Variants in TOP2A observed in about 807,000 individuals in gnomAD.
The protein encoded by TOP2A is DNA topoisomerase II alpha.
In TOP2A, 68 loss-of-function variants were observed where a neutral mutation model predicts 187.2. The ratio of observed to expected loss-of-function variants is 0.36; its 90% confidence interval spans 0.30 to 0.44. The LOEUF is 0.44. Ranked by LOEUF, TOP2A falls within the 20% of genes least tolerant of loss-of-function variation. TOP2A has a pLI of 1.00. For synonymous variants in TOP2A, 542 were observed against 593.2 expected, an observed-to-expected ratio of 0.91 and a Z score of 1.25; for missense variants, 1,196 against 1,808.7, an observed-to-expected ratio of 0.66 and a Z score of 6.14.
intron 29 of TOP2A, among the ~76,000 whole-genome samples, chr17:40,394,065 C>CAAAA (rs34089833): frequency 3.7e-5 from 4 of 108,620 alleles, no homozygotes; most frequent in East Asian, 2.7e-4. Flanking sequence ...AACTCTGCCT[C>CAAAA]AAAAAAAAAA....
At chr17:40,392,496 A>G in intron 30 of TOP2A, 89 bp downstream of exon 30, 1 of 1,481,176 alleles carries the variant, frequency 6.8e-7, no homozygotes, top group Non-Finnish European at 9.1e-7. Context: ...CTCTATTAAG[A>G]CACAGTAATT....
At position 40,404,182 on chromosome 17, in the gene TOP2A, C is replaced by A. The variant is rs1184479733; in HGVS notation, c.2253G>T (p.Val751=). 6.2e-7 allele frequency: 1 copy of A among 1,613,808 alleles called. No homozygotes were observed. The highest frequency in any genetic ancestry group is 2.2e-5 in the East Asian group (1 of 44,858). ...EVKVAQLAGS[V]AEMSSYHHGE... The stretch of plus-strand genomic sequence containing the variant: ...CATGATGATAAGAAGACATTTCAGC[C>A]ACTGATCCAGCTAATTGGGCAACCT... Residue 751 remains valine, a synonymous_variant, in exon 19 of 35, where the codon GTG becomes GTT. Coordinates refer to ENST00000423485, the MANE Select transcript of TOP2A (RefSeq NM_001067.4).
chr17:40,412,576 G>A (rs2035335521), intron 7 of TOP2A, among the ~76,000 whole-genome samples, 183 bp downstream of exon 7: 1 of 152,172 alleles, frequency 6.6e-6, no homozygotes, highest in South Asian at 2.1e-4. Flanking sequence ...CCTGGGAGGT[G>A]GAGGTTGCGG....
chr17:40,401,985 A>C (rs2035188402), intron 20 of TOP2A, among the ~76,000 whole-genome samples: 1 of 152,220 alleles, frequency 6.6e-6, no homozygotes. Context: ...GTTCTGAATC[A>C]GAGTGACTTA....
intron 16 of TOP2A, 135 bp from the exon 17 acceptor site, chr17:40,405,018 A>G (rs2035221540): frequency 3.4e-6 from 2 of 593,568 alleles, no homozygotes; most frequent in South Asian, 2.1e-5. Context: ...GACGGGAGTT[A>G]CTGTTCTCTT....
At position 40,411,376 on chromosome 17, in the gene TOP2A, C is replaced by T. The variant is rs775496859; in HGVS notation, c.1043G>A (p.Gly348Asp). Residue 348 changes from glycine to aspartate, a missense_variant, in exon 9 of 35, where the codon GGT becomes GAT. Around this residue, in one of 10 missense-constraint regions of TOP2A, gnomAD observed 252 missense variants for 434.8 expected, o/e 0.58. Transcript: ENST00000423485. This position sits in a 1 kb window ranked among gnomAD's most constrained non-coding sequence, Gnocchi z 4.4. Reference protein sequence around the residue: ...VDVVKKKNKGGVAVKAHQVKN... With the variant: ...VDVVKKKNKGDVAVKAHQVKN... Reference sequence around the variant, plus strand: ...TACCTGATGTGCTTTTACTGCAACACCACCCTTGTTCTTCTTCTTCACAAC... The same window carrying T: ...TACCTGATGTGCTTTTACTGCAACATCACCCTTGTTCTTCTTCTTCACAAC... 7.4e-6 allele frequency: 12 copies of T among 1,613,680 alleles called. 1 individual carries two copies. In the South Asian group the frequency reaches 1.3e-4, roughly 18 times the overall value.
intron 10 of TOP2A, chr17:40,408,932 C>T (rs995323745): frequency 1.0e-5 from 5 of 482,314 alleles, no homozygotes; most frequent in East Asian, 5.9e-5. Flanking sequence ...CGGTGGCTCA[C>T]GCCTATAATC....
intron 25 of TOP2A, 38 bp from the exon 26 acceptor site, chr17:40,398,975 G>A (rs1487410009): frequency 1.3e-6 from 2 of 1,599,606 alleles, no homozygotes; most frequent in African/African-American, 2.7e-5. Flanking sequence ...ATTAGAAAAT[G>A]TGAAACATAA....
intron 16 of TOP2A, among the ~76,000 whole-genome samples, chr17:40,405,709 T>A (rs1013668372): frequency 1.3e-5 from 2 of 152,126 alleles, no homozygotes; most frequent in Non-Finnish European, 2.9e-5. Context: ...GACGTTGTGA[T>A]CTGCCCGACT....
chr17:40,413,939 G>C (rs973349174), intron 4 of TOP2A, among the ~76,000 whole-genome samples: 5 of 152,034 alleles, frequency 3.3e-5, no homozygotes, highest in African/African-American at 1.2e-4. Flanking sequence ...TTATAGATGT[G>C]AGCCACCATA....
intron 16 of TOP2A, among the ~76,000 whole-genome samples, chr17:40,405,639 T>A (rs931606505): frequency 2.0e-5 from 3 of 152,022 alleles, no homozygotes; most frequent in South Asian, 2.1e-4. Context: ...TTTTTTATTT[T>A]TTTTTATTTT....
intron 1 of TOP2A, 180 bp downstream of exon 1, chr17:40,417,591 C>T: frequency 1.4e-6 from 2 of 1,464,324 alleles, no homozygotes; most frequent in South Asian, 2.7e-5. Context: ...TACTTCACTA[C>T]TAGCACCAGA....
In TOP2A at chr17:40,392,079, C is replaced by T. The variant is rs750593637; in HGVS notation, c.4121G>A (p.Ser1374Asn). The T allele has an allele frequency of 6.2e-7, 1 of 1,612,042 alleles. No individual in the cohort carries two copies. Among genetic ancestry groups the T allele is most frequent in the Non-Finnish European group, 8.5e-7 (1 of 1,179,276 alleles). The change falls in exon 32 of 35, where the codon AGT becomes AAT. Residue 1374 changes from serine (S) to asparagine (N), a missense_variant. Physicochemically the swap from Ser to Asn is conservative, Grantham distance 46 (BLOSUM62 1). Transcript: ENST00000423485. Reference protein sequence around the residue: ...LSNKELKPQKSVVSDLEADDV... With the variant: ...LSNKELKPQKNVVSDLEADDV... ...ACTTAAATACATACCTGACACGACACTTTTCTGTGGTTTCAGTTCTTTGTT... is the reference window on the plus strand; with the variant it reads ...ACTTAAATACATACCTGACACGACATTTTTCTGTGGTTTCAGTTCTTTGTT...
intron 10 of TOP2A, chr17:40,408,923 G>A (rs925800724): frequency 8.0e-6 from 4 of 498,382 alleles, no homozygotes; most frequent in Middle Eastern, 5.0e-4. Context: ...GACCAGGCAC[G>A]GTGGCTCACG....
At position 40,404,449 on chromosome 17, in the gene TOP2A, C is replaced by A; in HGVS notation, c.2089G>T (p.Asp697Tyr). 5 of 1,611,172 alleles carry A rather than the reference C, an allele frequency of 3.1e-6. No homozygotes were observed. The South Asian group carries it at 5.5e-5, about 18-fold the overall frequency. Residue 697 changes from aspartate to tyrosine, a missense_variant, in exon 18 of 35, where the codon GAC becomes TAC. Asp to Tyr is a radical substitution (Grantham distance 160). Around this residue, in one of 10 missense-constraint regions of TOP2A, gnomAD observed 209 missense variants for 376.9 expected, o/e 0.55. Coordinates refer to ENST00000423485, the MANE Select transcript of TOP2A (RefSeq NM_001067.4). The stretch of plus-strand genomic sequence containing the variant: ...AAGATAAGTTCCTTGTTGATGAAGT[C>A]ATTATATGTCAGATATGTGGTAGTT... The part of the protein sequence containing the change: ...GQTTTYLTYN[D>Y]FINKELILFS...
Position 40,416,650 on chromosome 17 carries a change from G to C in TOP2A, c.177+90C>G, listed in dbSNP as rs2035393956. The C allele has an allele frequency of 2.0e-6, 3 of 1,500,138 alleles. No homozygotes were observed. The South Asian group carries it at 3.6e-5, about 18-fold the overall frequency. 92.9% of individuals were successfully genotyped at this position (1,500,138 alleles called of 1,614,324 possible). ...TGACACTCAGTACATGAGAGATACAGAAAGGTCACACTCAGTACATGAAAG... is the reference window on the plus strand; with the variant it reads ...TGACACTCAGTACATGAGAGATACACAAAGGTCACACTCAGTACATGAAAG... On this transcript the variant is annotated intron_variant, in intron 2 of 34. Transcript: ENST00000423485.
At position 40,411,020 on chromosome 17, in the gene TOP2A, T is replaced by G; in HGVS notation, c.1203+89A>C. 3 of 1,329,760 alleles carry G rather than the reference T, an allele frequency of 2.3e-6. No homozygotes were observed. Among genetic ancestry groups the G allele is most frequent in the Admixed American group, 3.0e-5 (1 of 33,118 alleles). The allele number at this position is 1,329,760 out of a possible 1,614,324, so 82.4% of individuals were successfully genotyped here. Reference sequence around the variant, plus strand: ...TGGGAAGACTTGGAGAAGCTCACTATGAGAAGAATCATTGTTTCTGCAGAG... The same window carrying G: ...TGGGAAGACTTGGAGAAGCTCACTAGGAGAAGAATCATTGTTTCTGCAGAG... On this transcript the variant is annotated intron_variant, in intron 10 of 34. Coordinates refer to ENST00000423485, the MANE Select transcript of TOP2A (RefSeq NM_001067.4). This position sits in a 1 kb window ranked among gnomAD's most constrained non-coding sequence, Gnocchi z 4.4.
chr17:40,390,690 C>G (rs1412826223), intron 33 of TOP2A, among the ~76,000 whole-genome samples: 1 of 141,218 alleles, frequency 7.1e-6, no homozygotes, highest in Non-Finnish European at 1.6e-5. Context: ...TGCAGTGGCA[C>G]GATCTCGGCT....
At position 40,413,579 on chromosome 17, in the gene TOP2A, C is replaced by T; in HGVS notation, c.379G>A (p.Val127Ile). ...SIWNNGKGIP[V>I]VEHKVEKMYV... Reference sequence around the variant, plus strand: ...ATCTTTTCAACTTTGTGTTCAACAACAGGAATACCTTTTCCATTATTCCAT... The same window carrying T: ...ATCTTTTCAACTTTGTGTTCAACAATAGGAATACCTTTTCCATTATTCCAT... The change falls in exon 5 of 35, where the codon GTT becomes ATT. Residue 127 changes from valine to isoleucine, a missense_variant. Physicochemically the swap from Val to Ile is conservative, Grantham distance 29. Transcript: ENST00000423485. 2 of 1,489,038 alleles carry T rather than the reference C, an allele frequency of 1.3e-6. No individual in the cohort carries two copies. The highest frequency in any genetic ancestry group is 1.8e-6 in the Non-Finnish European group (2 of 1,095,316). The allele number at this position is 1,489,038 out of a possible 1,614,324, so 92.2% of individuals were successfully genotyped here. A position where few individuals can be genotyped will look rare whatever the true frequency, so the allele number is the denominator to read the frequency against.
Sources: allele counts gnomAD v4.1 joint callset (sites outside exome capture counted in the v4.1 genomes callset), GRCh38; gene constraint gnomAD v4.1.1; regional missense constraint gnomAD v4.1.1; non-coding constraint Gnocchi (gnomAD v3.1); transcripts MANE v1.5; gene names NCBI Gene and HGNC (gene_info 2026-07-23, HGNC 2026-07-21).